TFRC: variants seen among roughly 807,000 people sequenced by gnomAD.
TFRC encodes transferrin receptor protein 1.
TFRC carries 35 observed loss-of-function variants against 85.8 expected under a neutral mutation model. The observed-to-expected ratio is 0.41, with a 90% CI of 0.31 to 0.54. The LOEUF (loss-of-function observed/expected upper bound fraction) is 0.54. Among genes scored for constraint, TFRC ranks in the 20% least tolerant of loss-of-function variants. The pLI, the probability that TFRC is intolerant of heterozygous loss-of-function variation, is 0.31. For missense variants in TFRC, 828 were observed against 921.5 expected (o/e 0.90, Z 1.31); for synonymous variants, 362 against 328.6 (o/e 1.10, Z -1.10).
intron 5 of TFRC, 72 bp from the exon 6 acceptor site, chr3:196,071,570 T>C (rs1238537107): frequency 6.4e-6 from 9 of 1,407,962 alleles, no homozygotes; most frequent in African/African-American, 1.4e-5. Context: ...ACATTTAGTA[T>C]GTCTTGCATT....
intron 11 of TFRC, 53 bp downstream of exon 11, chr3:196,064,256 T>C: frequency 6.4e-7 from 1 of 1,566,228 alleles, no homozygotes; most frequent in South Asian, 1.2e-5. Context: ...GTATAACATC[T>C]AGAACTGTAT....
chr3:196,066,296 T>C (rs185997285), intron 9 of TFRC, among the ~76,000 whole-genome samples: 4 of 152,106 alleles, frequency 2.6e-5, no homozygotes, highest in Admixed American at 2.6e-4. Flanking sequence ...AGCTCAGTTA[T>C]AAAAAATATT....
At chr3:196,080,701 A>G (rs1201185614) in intron 1 of TFRC, among the ~76,000 whole-genome samples, 1 of 152,266 alleles carries the variant, frequency 6.6e-6, no homozygotes, top group Non-Finnish European at 1.5e-5. Context: ...CTAGGTTTAC[A>G]GCCACCATTA....
At chr3:196,061,988 G>C (rs1321746800) in intron 13 of TFRC, among the ~76,000 whole-genome samples, 1 of 152,214 alleles carries the variant, frequency 6.6e-6, no homozygotes, top group Non-Finnish European at 1.5e-5. Context: ...TACAGGCTGA[G>C]GGCAATGGCT....
At chr3:196,081,410 CTAG>C (rs1719164359) in intron 1 of TFRC, among the ~76,000 whole-genome samples, 1 of 152,258 alleles carries the variant, frequency 6.6e-6, no homozygotes, top group Admixed American at 6.5e-5. Flanking sequence ...CTGTAACACG[CTAG>C]TAACCGAATC....
At chr3:196,058,212 C>T (rs767058069) in intron 16 of TFRC, 72 bp downstream of exon 16, 58 of 1,270,566 alleles carry the variant, frequency 4.6e-5, no homozygotes, top group Non-Finnish European at 6.5e-5. Context: ...ATTGCAATGC[C>T]CTATTCCCAA....
chr3:196,062,327 T>G, intron 13 of TFRC: 1 of 413,568 alleles, frequency 2.4e-6, no homozygotes, highest in Non-Finnish European at 4.3e-6. Flanking sequence ...AGGTCAGGAG[T>G]TCGAGACCAT....
At chr3:196,065,622 A>C (rs760172187) in intron 9 of TFRC, 22 bp from the exon 10 acceptor site, 21 of 1,586,182 alleles carry the variant, frequency 1.3e-5, no homozygotes, top group Admixed American at 1.8e-5. Context: ...AAGCAGGCGT[A>C]AGTTCTGAGT....
At chr3:196,053,779 T>C (rs550511537) in intron 17 of TFRC, among the ~76,000 whole-genome samples, 5 of 152,352 alleles carry the variant, frequency 3.3e-5, no homozygotes, top group South Asian at 2.1e-4. Flanking sequence ...CATTAAGAAA[T>C]TGAACATAAT....
rs144287297 is a variant in TFRC at position 196,063,712 on chromosome 3, C to T, written c.1318+597G>A. Among the ~76,000 whole-genome samples the T allele has an allele frequency of 3.8e-3, 582 of 152,230 alleles. 2 individuals are homozygous for T. Among genetic ancestry groups the T allele is most frequent in the African/African-American group, 0.013 (543 of 41,540 alleles). On this transcript the variant is annotated intron_variant, in intron 11 of 18. Transcript: ENST00000360110. ...CTGAGGCGGGTGAATCACTTGAGGT[C>T]AGGAGACTAGCCTGGCCAACATGGC...
intron 11 of TFRC, among the ~76,000 whole-genome samples, chr3:196,063,913 T>G (rs1369440398): frequency 1.3e-5 from 2 of 152,108 alleles, no homozygotes; most frequent in African/African-American, 4.8e-5. Flanking sequence ...AGAGTGAAAC[T>G]CTGTCTCAAA....
intron 12 of TFRC, 25 bp downstream of exon 12, chr3:196,062,829 T>G (rs752550572): frequency 6.2e-7 from 1 of 1,610,854 alleles, no homozygotes; most frequent in Non-Finnish European, 8.5e-7. Context: ...TCGTGTCCAA[T>G]ATGGGAAGGG....
chr3:196,052,872 G>C (rs1475851513), intron 18 of TFRC, among the ~76,000 whole-genome samples: 1 of 152,090 alleles, frequency 6.6e-6, no homozygotes, highest in Non-Finnish European at 1.5e-5. Flanking sequence ...CAGCACTTTG[G>C]GAGGCCAAGG....
rs1717821376 is a variant in TFRC at position 196,067,391 on chromosome 3, C to T, written c.1040+127G>A. ...ATTTATATCTGTACCAAGGTAACAG[C>T]TAACCATCCTCCAAATTCCCAAATG... is the stretch of plus-strand genomic sequence containing the variant. On this transcript the variant is annotated intron_variant, in intron 9 of 18. Coordinates refer to ENST00000360110, the MANE Select transcript of TFRC (RefSeq NM_001128148.3). The T allele has an allele frequency of 4.9e-6, 5 of 1,017,696 alleles. No individual in the cohort carries two copies. The South Asian group carries it at 8.7e-5, about 18-fold the overall frequency. 63.0% of individuals were successfully genotyped at this position (1,017,696 alleles called of 1,614,324 possible).
chr3:196,055,089 T>C lies in TFRC; in HGVS notation c.1890A>G (p.Ala630=), dbSNP rs772281807. Residue 630 remains alanine (A), a synonymous_variant, in exon 17 of 19, where the codon GCA becomes GCG. Coordinates refer to ENST00000360110, the MANE Select transcript of TFRC (RefSeq NM_001128148.3). ...TGGAATCAGTGCTCACCTTTATGTC[T>C]GCTCTGTATTGGTTCAGATCCCTCA... ...SFVRDLNQYR[A]DIKEMGLSLQ... The C allele has an allele frequency of 6.2e-6, 10 of 1,614,114 alleles. No homozygotes were observed. The Admixed American group carries it at 1.7e-4, about 27-fold the overall frequency.
intron 10 of TFRC, 82 bp from the exon 11 acceptor site, chr3:196,064,510 G>A (rs1717554510): frequency 1.5e-6 from 2 of 1,359,128 alleles, no homozygotes; most frequent in African/African-American, 2.9e-5. Context: ...CAGTAGAAAG[G>A]TAAAAGCACA....
At chr3:196,072,955 C>A (rs1176134929) in intron 4 of TFRC, 2 of 149,222 alleles carry the variant, frequency 1.3e-5, no homozygotes, top group African/African-American at 5.0e-5. Context: ...AATTCCAGCA[C>A]TTTGGGAGCC....
intron 3 of TFRC, 158 bp from the exon 4 acceptor site, chr3:196,074,283 A>C (rs1292246857): frequency 1.7e-6 from 1 of 587,966 alleles, no homozygotes; most frequent in African/African-American, 1.9e-5. Flanking sequence ...GTATACTTTA[A>C]ACCACTTAAT....
chr3:196,069,518 TA>T lies in TFRC; in HGVS notation c.737del (p.Leu246TyrfsTer5). 1 of 1,613,654 alleles carries T rather than the reference TA, an allele frequency of 6.2e-7. No homozygotes were observed. The highest frequency in any genetic ancestry group is 8.5e-7 in the Non-Finnish European group (1 of 1,179,756). Reference protein sequence around the residue: ...NFGTKKDFEDLYTPVNGSIVI... With the variant: ...NFGTKKDFEDXYTPVNGSIVI... ...CTATAGATCCATTCACAGGAGTGTATAAATCCTCAAAATCTTTTTTAGTACC... is the reference window on the plus strand; with the variant it reads ...CTATAGATCCATTCACAGGAGTGTATAATCCTCAAAATCTTTTTTAGTACC... On this transcript the variant is annotated frameshift_variant, in exon 7 of 19. Transcript: ENST00000360110. LOFTEE classifies it high-confidence loss of function.
Sources: allele counts gnomAD v4.1 joint callset (sites outside exome capture counted in the v4.1 genomes callset), GRCh38; gene constraint gnomAD v4.1.1; transcripts MANE v1.5; gene names NCBI Gene and HGNC (gene_info 2026-07-23, HGNC 2026-07-21).